Variants in SVIL observed in about 807,000 individuals in gnomAD.
SVIL encodes the protein archvillin.
In SVIL, 101 loss-of-function variants were observed where a neutral mutation model predicts 240.4. The ratio of observed to expected loss-of-function variants is 0.42; its 90% CI spans 0.36 to 0.50. SVIL has a LOEUF of 0.50. Ranked by LOEUF, SVIL falls within the 20% of genes least tolerant of loss-of-function variation. The probability of loss-of-function intolerance (pLI) is 0.01; values close to 1 mark genes in which losing one functional copy is unlikely to be tolerated. For synonymous variants in SVIL, 999 were observed against 1,100.0 expected (o/e 0.91, Z 1.82); for missense variants, 2,512 against 2,818.7 (o/e 0.89, Z 2.46).
intron 1 of SVIL, among the ~76,000 whole-genome samples, chr10:29,693,069 G>C (rs79354964): frequency 0.017 from 2,631 of 152,202 alleles, 73 homozygotes; most frequent in African/African-American, 0.058. Context: ...GGCATAAATG[G>C]GTTAATGGCA....
chr10:29,566,977 A>G (rs910129975), intron 2 of SVIL, among the ~76,000 whole-genome samples: 2 of 152,206 alleles, frequency 1.3e-5, no homozygotes, highest in Non-Finnish European at 2.9e-5. Context: ...CTCTCCATAG[A>G]TACTAAAGTT....
intron 32 of SVIL, among the ~76,000 whole-genome samples, chr10:29,468,539 G>T (rs1259941354): frequency 6.6e-6 from 1 of 151,464 alleles, no homozygotes. Context: ...ATGTGTAAGG[G>T]TTCCAATTTT....
chr10:29,481,334 C>A (rs370205501), intron 28 of SVIL, among the ~76,000 whole-genome samples: 1 of 151,686 alleles, frequency 6.6e-6, no homozygotes, highest in Non-Finnish European at 1.5e-5. Flanking sequence ...GTTGGCCAAC[C>A]GGTACAAAGT....
At chr10:29,535,229 T>A (rs1253569859) in intron 7 of SVIL, among the ~76,000 whole-genome samples, 3 of 150,712 alleles carry the variant, frequency 2.0e-5, no homozygotes, top group Admixed American at 1.3e-4. Context: ...AAGAAAACAT[T>A]CTTAGTTGTT....
chr10:29,551,312 T>C (rs576487954), intron 5 of SVIL, 49 bp from the exon 6 acceptor site: 5 of 1,507,216 alleles, frequency 3.3e-6, no homozygotes, highest in South Asian at 1.3e-5. Flanking sequence ...AGTAAAGACA[T>C]GTATTTACAC....
intron 31 of SVIL, 138 bp from the exon 32 acceptor site, chr10:29,470,621 G>A (rs1945461800): frequency 1.0e-6 from 1 of 957,550 alleles, no homozygotes; most frequent in Non-Finnish European, 1.6e-6. Flanking sequence ...TGGAGGGGCT[G>A]AGGCACTGCA....
chr10:29,523,863 A>G lies in SVIL; in HGVS notation c.2751T>C (p.Asn917=), dbSNP rs1276773643. 1 of 1,614,062 alleles carries G rather than the reference A, an allele frequency of 6.2e-7. No homozygotes were observed. Among genetic ancestry groups the G allele is most frequent in the Non-Finnish European group, 8.5e-7 (1 of 1,180,052 alleles). The change falls in exon 15 of 38, where the codon AAT becomes AAC. Residue 917 remains asparagine, a synonymous_variant. Transcript: ENST00000355867. ...TDYKFSSSIE[N]SDSPVRSILK... ...GAATGCTTCTAACTGGAGAGTCCGA[A>G]TTTTCTATTGAAGAAGAAAACTTAT...
chr10:29,497,532 T>A (rs1948538559), intron 18 of SVIL, among the ~76,000 whole-genome samples: 1 of 152,222 alleles, frequency 6.6e-6, no homozygotes, highest in African/African-American at 2.4e-5. Context: ...AATTTTTGAA[T>A]ATAGGCATCA....
chr10:29,677,790 C>T (rs1338962586), intron 2 of SVIL, among the ~76,000 whole-genome samples: 1 of 151,986 alleles, frequency 6.6e-6, no homozygotes, highest in African/African-American at 2.4e-5. Context: ...AAGGGATGGC[C>T]CTTTCCACCC....
intron 6 of SVIL, 29 bp downstream of exon 6, chr10:29,550,568 A>G (rs777662371): frequency 7.0e-6 from 11 of 1,564,308 alleles, no homozygotes; most frequent in Non-Finnish European, 9.5e-6. Context: ...TCCTGCGTTC[A>G]GGGTGCTTAG....
rs748902748 is a variant in SVIL, at chr10:29,535,969, G to A, written c.908+20C>T. 38 of 1,613,640 alleles carry A rather than the reference G, an allele frequency of 2.4e-5. No homozygotes were observed. The highest frequency in any genetic ancestry group is 1.7e-4 in the Middle Eastern group (1 of 5,930). On this transcript the variant is annotated intron_variant, in intron 7 of 37. Transcript: ENST00000355867. ...GCAACACTCATGCACACAAGCCCCA[G>A]AGGGCCGGCGTGCGGGTACCTGGAA...
At chr10:29,538,511 T>G (rs1589160989) in intron 6 of SVIL, among the ~76,000 whole-genome samples, 1 of 152,254 alleles carries the variant, frequency 6.6e-6, no homozygotes, top group Non-Finnish European at 1.5e-5. Context: ...GAGCCTGTGC[T>G]TGGAATTGTG....
intron 1 of SVIL, among the ~76,000 whole-genome samples, chr10:29,706,140 A>C (rs1315834806): frequency 6.6e-6 from 1 of 152,196 alleles, no homozygotes; most frequent in South Asian, 2.1e-4. Context: ...GTGTCTTTAT[A>C]GTAGAATGAT....
At chr10:29,727,891 T>A (rs1401260079) in intron 1 of SVIL, among the ~76,000 whole-genome samples, 1 of 152,102 alleles carries the variant, frequency 6.6e-6, no homozygotes, top group African/African-American at 2.4e-5. Flanking sequence ...CAGCTCTACC[T>A]CAAGGCAGGG....
rs1165000976 is a variant in SVIL, at chr10:29,493,279, A to G, written c.3954T>C (p.Asn1318=). Residue 1318 remains asparagine, a synonymous_variant, in exon 21 of 38, where the codon AAT becomes AAC. Coordinates refer to ENST00000355867, the MANE Select transcript of SVIL (RefSeq NM_021738.3). ...FAKFYRSVDY[N]MPRSPVEMDE... is the part of the protein sequence containing the mutation. ...CCATCTCCACAGGACTTCTTGGCAT[A>G]TTATAATCCACGCTGCGGTAAAATT... 1 of 1,614,192 alleles carries G rather than the reference A, an allele frequency of 6.2e-7. No individual in the cohort carries two copies. The highest frequency in any genetic ancestry group is 1.7e-5 in the Admixed American group (1 of 60,022).
chr10:29,696,257 A>C (rs2077444805), intron 1 of SVIL, among the ~76,000 whole-genome samples: 1 of 151,806 alleles, frequency 6.6e-6, no homozygotes, highest in Admixed American at 6.6e-5. Context: ...CTTAGTGCTC[A>C]ATGGTGCCCA....
chr10:29,631,803 AG>A lies in SVIL; in HGVS notation c.-201+2616del, dbSNP rs748695838. Among the ~76,000 whole-genome samples the A allele has an allele frequency of 6.0e-4, 91 of 152,232 alleles. No individual in the cohort carries two copies. In the Middle Eastern group the frequency reaches 0.01, roughly 17 times the overall value. ...AAAATAAAAAATAAAAAAGATGGCG[AG>A]GCTTAAGAGGAGGTGGTGGGGCAGA... is the stretch of plus-strand genomic sequence containing the variant. On this transcript the variant is annotated intron_variant, in intron 1 of 37. Coordinates refer to ENST00000355867, the MANE Select transcript of SVIL (RefSeq NM_021738.3).
intron 6 of SVIL, among the ~76,000 whole-genome samples, chr10:29,537,774 G>A (rs1413730969): frequency 3.9e-5 from 6 of 152,296 alleles, no homozygotes; most frequent in South Asian, 2.1e-4. Flanking sequence ...GCTATTGTAC[G>A]TCTTGCTGTA....
At chr10:29,654,316 T>G (rs1342927253) in intron 3 of SVIL, among the ~76,000 whole-genome samples, 1 of 152,112 alleles carries the variant, frequency 6.6e-6, no homozygotes, top group Non-Finnish European at 1.5e-5. Context: ...AACAAATTAT[T>G]GTTTCTATTT....
Sources: allele counts gnomAD v4.1 joint callset (sites outside exome capture counted in the v4.1 genomes callset), GRCh38; gene constraint gnomAD v4.1.1; transcripts MANE v1.5; gene names NCBI Gene and HGNC (gene_info 2026-07-23, HGNC 2026-07-21).